The following CTNNA2 variants were observed in gnomAD, a reference collection of about 807,000 sequenced individuals.
CTNNA2 encodes catenin alpha 2.
A neutral mutation model predicts 101.0 loss-of-function variants in CTNNA2; 42 were observed. The ratio of observed to expected loss-of-function variants is 0.42; its 90% CI spans 0.32 to 0.54. CTNNA2 has a LOEUF of 0.54. Among genes scored for constraint, CTNNA2 ranks in the 20% least tolerant of loss-of-function variants. The pLI is 0.14. For missense variants in CTNNA2, 871 were observed against 1,223.1 expected, an observed-to-expected ratio of 0.71 and a Z score of 4.29; for synonymous variants, 450 against 456.4, an observed-to-expected ratio of 0.99 and a Z score of 0.18.
chr2:79,390,421 G>T (rs1325218518), intron 4 of CTNNA2, among the ~76,000 whole-genome samples: 2 of 152,118 alleles, frequency 1.3e-5, no homozygotes, highest in African/African-American at 4.8e-5. Flanking sequence ...AACAAAATTA[G>T]AATTTTCTTC....
intron 3 of CTNNA2, among the ~76,000 whole-genome samples, chr2:79,804,629 T>A (rs988457609): frequency 1.3e-5 from 2 of 151,962 alleles, no homozygotes; most frequent in African/African-American, 4.8e-5. Flanking sequence ...TAGATTATTC[T>A]AGGAAGGATT....
At chr2:79,270,461 T>A (rs1014687681) in intron 2 of CTNNA2, among the ~76,000 whole-genome samples, 1 of 152,138 alleles carries the variant, frequency 6.6e-6, no homozygotes, top group East Asian at 1.9e-4. Context: ...CCTGCTTTGC[T>A]AATTCTTGGT....
At chr2:79,861,801 A>G (rs982656590) in intron 4 of CTNNA2, among the ~76,000 whole-genome samples, 2 of 152,190 alleles carry the variant, frequency 1.3e-5, no homozygotes, top group Non-Finnish European at 2.9e-5. Flanking sequence ...GTTAGCACCC[A>G]AGTGAGAATT....
intron 18 of CTNNA2, among the ~76,000 whole-genome samples, chr2:80,632,675 TG>T (rs1672428656): frequency 6.6e-6 from 1 of 152,160 alleles, no homozygotes; most frequent in Non-Finnish European, 1.5e-5. Flanking sequence ...CATGCTATGC[TG>T]GTCATCTGTT....
chr2:80,628,046 C>T (rs1671868072), intron 18 of CTNNA2, among the ~76,000 whole-genome samples: 1 of 152,072 alleles, frequency 6.6e-6, no homozygotes, highest in Non-Finnish European at 1.5e-5. Context: ...CCTAGCAATA[C>T]AACTTGCAAG....
chr2:79,713,490 T>C (rs1369593041), intron 2 of CTNNA2, among the ~76,000 whole-genome samples: 1 of 152,112 alleles, frequency 6.6e-6, no homozygotes, highest in East Asian at 1.9e-4. Flanking sequence ...GTGCTGGGAA[T>C]TGCTAAAATT....
chr2:79,341,623 G>A (rs1677140089), intron 3 of CTNNA2, among the ~76,000 whole-genome samples: 1 of 152,162 alleles, frequency 6.6e-6, no homozygotes, highest in South Asian at 2.1e-4. Context: ...AAGACAGAAT[G>A]TCTCCCTTTG....
At chr2:79,431,265 T>C (rs1678656577) in intron 4 of CTNNA2, among the ~76,000 whole-genome samples, 1 of 152,176 alleles carries the variant, frequency 6.6e-6, no homozygotes, top group Non-Finnish European at 1.5e-5. Context: ...TGTTATTCTC[T>C]TATTTGATAT....
At chr2:80,111,903 A>T (rs1701234236) in intron 7 of CTNNA2, among the ~76,000 whole-genome samples, 1 of 152,182 alleles carries the variant, frequency 6.6e-6, no homozygotes, top group African/African-American at 2.4e-5. Context: ...GCTAATAATA[A>T]TATTTAGCCA....
intron 7 of CTNNA2, among the ~76,000 whole-genome samples, chr2:80,164,183 C>T (rs1242811574): frequency 6.6e-6 from 1 of 151,610 alleles, no homozygotes; most frequent in Non-Finnish European, 1.5e-5. Context: ...CTTAAGTCTG[C>T]CATTTTATTT....
intron 18 of CTNNA2, among the ~76,000 whole-genome samples, chr2:80,635,666 A>C: frequency 6.6e-6 from 1 of 152,158 alleles, no homozygotes; most frequent in African/African-American, 2.4e-5. Flanking sequence ...CATGAGTCAA[A>C]TCATAGCCCT....
intron 1 of CTNNA2, among the ~76,000 whole-genome samples, chr2:79,617,109 G>C (rs536733223): frequency 6.6e-6 from 1 of 151,916 alleles, no homozygotes; most frequent in Admixed American, 6.6e-5. Context: ...TCACCATGTT[G>C]GCCAGGCTAG....
chr2:79,984,622 C>CT (rs1233352474), intron 7 of CTNNA2, among the ~76,000 whole-genome samples: 2 of 152,168 alleles, frequency 1.3e-5, no homozygotes, highest in African/African-American at 4.8e-5. Flanking sequence ...GTTTGTAGAA[C>CT]TTCCAAGTGA....
At chr2:79,848,362 A>C (rs1359553095) in intron 3 of CTNNA2, among the ~76,000 whole-genome samples, 1 of 152,278 alleles carries the variant, frequency 6.6e-6, no homozygotes, top group Middle Eastern at 3.4e-3. Context: ...TCACTGTTTA[A>C]CGTTTCCTAA....
At chr2:80,595,579 C>T (rs369041519) in intron 15 of CTNNA2, among the ~76,000 whole-genome samples, 4 of 152,108 alleles carry the variant, frequency 2.6e-5, no homozygotes, top group African/African-American at 9.7e-5. Flanking sequence ...TTATTATTCA[C>T]CATTGAGTAT....
intron 3 of CTNNA2, among the ~76,000 whole-genome samples, chr2:79,358,067 A>AT (rs958440394): frequency 2.6e-5 from 4 of 152,006 alleles, no homozygotes; most frequent in South Asian, 2.1e-4. Flanking sequence ...CAAAGATGAA[A>AT]TTTTTTTTGG....
At chr2:79,587,848 C>T (rs919547829) in intron 1 of CTNNA2, among the ~76,000 whole-genome samples, 3 of 152,158 alleles carry the variant, frequency 2.0e-5, no homozygotes, top group African/African-American at 4.8e-5. Context: ...ATTGCAGGGC[C>T]CATTTCTCAA....
At chr2:80,048,414 T>C (rs1487920752) in intron 7 of CTNNA2, among the ~76,000 whole-genome samples, 1 of 152,072 alleles carries the variant, frequency 6.6e-6, no homozygotes, top group Non-Finnish European at 1.5e-5. Flanking sequence ...TATAAAGTCT[T>C]TAATTGGGAT....
intron 7 of CTNNA2, among the ~76,000 whole-genome samples, chr2:79,996,225 A>G (rs1257836274): frequency 1.3e-5 from 2 of 152,230 alleles, no homozygotes; most frequent in Non-Finnish European, 2.9e-5. Context: ...AGTACCACAT[A>G]AAATCATTTT....
Sources: allele counts gnomAD v4.1 joint callset (sites outside exome capture counted in the v4.1 genomes callset), GRCh38; gene constraint gnomAD v4.1.1; transcripts MANE v1.5; gene names NCBI Gene and HGNC (gene_info 2026-07-23, HGNC 2026-07-21).